The following ERC1 variants were observed in gnomAD, a reference collection of about 807,000 sequenced individuals.
ERC1 encodes the protein RAB6 interacting protein 2.
In ERC1, 56 loss-of-function variants were observed where a neutral mutation model predicts 132.0. That is an observed-to-expected ratio of 0.42 (90% CI 0.34 to 0.53). The LOEUF is 0.53. Among genes scored for constraint, ERC1 ranks in the 20% least tolerant of loss-of-function variants. The pLI, the probability that ERC1 is intolerant of heterozygous loss-of-function variation, is 0.03. For synonymous variants in ERC1, 478 were observed against 476.1 expected, an observed-to-expected ratio of 1.00 and a Z score of -0.05; for missense variants, 1,202 against 1,349.9, an observed-to-expected ratio of 0.89 and a Z score of 1.72.
chr12:1,252,339 G>C (rs1412467049), intron 13 of ERC1, among the ~76,000 whole-genome samples: 1 of 152,156 alleles, frequency 6.6e-6, no homozygotes, highest in African/African-American at 2.4e-5. Flanking sequence ...TTATTTTAAG[G>C]AAAAGATATT....
intron 4 of ERC1, among the ~76,000 whole-genome samples, chr12:1,106,802 G>A (rs1257525586): frequency 6.6e-6 from 1 of 152,176 alleles, no homozygotes; most frequent in Admixed American, 6.5e-5. Flanking sequence ...TTGACAGAAT[G>A]AGGACGAGTA....
chr12:1,196,867 T>A (rs1482338819), intron 12 of ERC1, among the ~76,000 whole-genome samples: 18 of 147,282 alleles, frequency 1.2e-4, no homozygotes, highest in Non-Finnish European at 1.3e-4. Context: ...TCACTCTCTC[T>A]CTCTCTCTCT....
chr12:1,296,273 A>AACTGCAGCAT (rs1486006364), intron 15 of ERC1, among the ~76,000 whole-genome samples: 5 of 152,048 alleles, frequency 3.3e-5, no homozygotes, highest in Non-Finnish European at 7.4e-5. Context: ...GGCTGCAGTG[A>AACTGCAGCAT]ACTTTGATTG....
chr12:1,369,400 GA>G (rs2086966814), intron 15 of ERC1, among the ~76,000 whole-genome samples: 1 of 152,214 alleles, frequency 6.6e-6, no homozygotes, highest in Non-Finnish European at 1.5e-5. Flanking sequence ...CCTCAAGTCT[GA>G]TCGCCTTTGT....
intron 12 of ERC1, among the ~76,000 whole-genome samples, chr12:1,234,465 G>A (rs2075279664): frequency 1.3e-5 from 2 of 152,214 alleles, no homozygotes; most frequent in Non-Finnish European, 2.9e-5. Flanking sequence ...TTAATGAATT[G>A]AAAGATCCAA....
At chr12:1,484,131 CCA>C (rs2094154534) in intron 18 of ERC1, among the ~76,000 whole-genome samples, 1 of 151,546 alleles carries the variant, frequency 6.6e-6, no homozygotes, top group Non-Finnish European at 1.5e-5. Flanking sequence ...TGGTGAAACC[CCA>C]TCTCTACTAA....
intron 15 of ERC1, among the ~76,000 whole-genome samples, chr12:1,317,124 G>A (rs2081797830): frequency 6.7e-6 from 1 of 149,150 alleles, no homozygotes; most frequent in African/African-American, 2.5e-5. Flanking sequence ...TCATGCCATT[G>A]CACTCCACCC....
chr12:1,064,008 CTT>C (rs1938583042), intron 2 of ERC1, among the ~76,000 whole-genome samples: 1 of 152,082 alleles, frequency 6.6e-6, no homozygotes, highest in Non-Finnish European at 1.5e-5. Flanking sequence ...CTGTGAAAGA[CTT>C]TATTTCTCCT....
At chr12:1,333,461 T>C (rs2083053473) in intron 15 of ERC1, among the ~76,000 whole-genome samples, 1 of 150,970 alleles carries the variant, frequency 6.6e-6, no homozygotes, top group South Asian at 2.1e-4. Context: ...GCCTCCCGAG[T>C]AGCTCAGATT....
chr12:1,052,706 AT>A (rs1972234095), intron 2 of ERC1, among the ~76,000 whole-genome samples: 1 of 152,208 alleles, frequency 6.6e-6, no homozygotes, highest in Admixed American at 6.5e-5. Context: ...GCGGTGGCTC[AT>A]GCCTATAGTC....
chr12:1,080,854 C>T (rs1942085672), intron 2 of ERC1, among the ~76,000 whole-genome samples: 1 of 152,114 alleles, frequency 6.6e-6, no homozygotes, highest in African/African-American at 2.4e-5. Context: ...TCCAATTAAA[C>T]CTCTTTTTGT....
At chr12:1,403,721 C>T (rs923931194) in intron 16 of ERC1, among the ~76,000 whole-genome samples, 7 of 151,894 alleles carry the variant, frequency 4.6e-5, no homozygotes, top group Admixed American at 2.0e-4. Context: ...ACTTTAAATG[C>T]GTTCTGCCTT....
At chr12:1,456,984 T>C (rs1723936947) in intron 18 of ERC1, among the ~76,000 whole-genome samples, 1 of 152,242 alleles carries the variant, frequency 6.6e-6, no homozygotes, top group South Asian at 2.1e-4. Flanking sequence ...AATATTTCAG[T>C]CGATGACGGA....
chr12:1,293,310 A>T (rs1458607268), intron 15 of ERC1, among the ~76,000 whole-genome samples: 1 of 148,820 alleles, frequency 6.7e-6, no homozygotes, highest in African/African-American at 2.5e-5. Context: ...AACATTAGCC[A>T]GGCGTGGTGG....
rs56168535 is a variant in ERC1 at position 1,156,805 on chromosome 12, T to C, written c.1737+15018T>C. Among the ~76,000 whole-genome samples, 1,462 of 152,290 alleles carry C rather than the reference T, an allele frequency of 9.6e-3. 19 individuals are homozygous for C. Among genetic ancestry groups the C allele is most frequent in the African/African-American group, 0.032 (1,336 of 41,558 alleles). On this transcript the variant is annotated intron_variant, in intron 8 of 18. Coordinates refer to ENST00000360905, the MANE Select transcript of ERC1 (RefSeq NM_178040.4). Reference sequence around the variant, plus strand: ...TGAGTTCTCATTGAGCATTTTTTCATAGGTTTTTGTTTTGTTTTAATTGGG... The same window carrying C: ...TGAGTTCTCATTGAGCATTTTTTCACAGGTTTTTGTTTTGTTTTAATTGGG...
At chr12:1,352,566 T>TAAGAGA (rs1566657295) in intron 15 of ERC1, among the ~76,000 whole-genome samples, 2 of 152,168 alleles carry the variant, frequency 1.3e-5, no homozygotes, top group African/African-American at 4.8e-5. Flanking sequence ...TCTTAGAATT[T>TAAGAGA]ATCTTCTTAA....
chr12:1,167,982 G>A (rs1952608513), intron 8 of ERC1, among the ~76,000 whole-genome samples: 1 of 152,030 alleles, frequency 6.6e-6, no homozygotes, highest in African/African-American at 2.4e-5. Flanking sequence ...CCCAAGTGCT[G>A]GGATTGCAGG....
At chr12:1,291,242 A>T (rs896391490) in intron 15 of ERC1, among the ~76,000 whole-genome samples, 2 of 152,292 alleles carry the variant, frequency 1.3e-5, no homozygotes, top group Admixed American at 6.5e-5. Context: ...GAAAAGCATT[A>T]TGAGTGATAT....
At position 1,112,071 on chromosome 12, in the gene ERC1, C is replaced by T. The variant is rs1347918761; in HGVS notation, c.1318-144C>T. On this transcript the variant is annotated intron_variant, in intron 5 of 18. Transcript: ENST00000360905. ...CTGTGAACTTAGAAACTACCTATGG[C>T]TCTTTGAAGAGGGAATGAGGGGAAC... 1.5e-5 allele frequency: 9 copies of T among 581,294 alleles called. No homozygotes were observed. In the East Asian group the frequency reaches 2.4e-4, roughly 15 times the overall value. The allele number at this position is 581,294 out of a possible 1,614,324, so 36.0% of individuals were successfully genotyped here. A position where few individuals can be genotyped will look rare whatever the true frequency, so the allele number is the denominator to read the frequency against.
Sources: allele counts gnomAD v4.1 joint callset (sites outside exome capture counted in the v4.1 genomes callset), GRCh38; gene constraint gnomAD v4.1.1; transcripts MANE v1.5; gene names NCBI Gene and HGNC (gene_info 2026-07-23, HGNC 2026-07-21).